Variants in CDH13 observed in about 807,000 individuals in gnomAD.
CDH13 encodes the protein cadherin 13, also known as cadherin-13.
In CDH13, 24 loss-of-function variants were observed where a neutral mutation model predicts 63.8. The observed-to-expected ratio is 0.38, with a 90% CI of 0.27 to 0.53. The LOEUF is 0.53. Ranked by LOEUF, CDH13 falls within the 20% of genes least tolerant of loss-of-function variation. The pLI, the probability that CDH13 is intolerant of heterozygous loss-of-function variation, is 0.85. For synonymous variants in CDH13, 503 were observed against 355.3 expected (o/e 1.42, Z -4.67); for missense variants, 1,049 against 903.1 (o/e 1.16, Z -2.07).
chr16:82,722,408 C>A (rs867010278), intron 1 of CDH13, among the ~76,000 whole-genome samples: 1 of 152,110 alleles, frequency 6.6e-6, no homozygotes, highest in Admixed American at 6.5e-5. Context: ...TTTCACAACC[C>A]CAGCAGAGAG....
chr16:82,968,373 C>T (rs777607782), intron 2 of CDH13, among the ~76,000 whole-genome samples: 19 of 152,148 alleles, frequency 1.2e-4, no homozygotes, highest in Admixed American at 1.2e-3. Context: ...CCTAGTGGTC[C>T]AGTTACTGTC....
intron 1 of CDH13, among the ~76,000 whole-genome samples, chr16:82,802,656 G>A (rs1331162741): frequency 6.6e-6 from 1 of 152,160 alleles, no homozygotes; most frequent in Non-Finnish European, 1.5e-5. Flanking sequence ...CTTATAAGAA[G>A]TGCATGTTAG....
In CDH13 at chr16:83,394,444, C is replaced by G. The variant is rs147246889; in HGVS notation, c.781+49438C>G. On this transcript the variant is annotated intron_variant, in intron 6 of 13. Transcript: ENST00000567109. ...ACAGAGGCAACAGCACATGCAAAGT[C>G]CCTGAGGCAGGCACACGTGTGGTGT... 8.1e-3 allele frequency among the ~76,000 whole-genome samples: 1,227 copies of G among 152,178 alleles called. 10 individuals are homozygous for G. Among genetic ancestry groups the G allele is most frequent in the Non-Finnish European group, 8.6e-3 (582 of 68,008 alleles).
In CDH13 at chr16:83,683,078, T is replaced by C. The variant is rs151232964; in HGVS notation, c.1538+4617T>C. ...GACACCCTTTCATCTCCCCAGGGAA[T>C]GCTCAAGTCAGCAAAGGGCGCCTTG... On this transcript the variant is annotated intron_variant, in intron 10 of 13. Transcript: ENST00000567109. Among the ~76,000 whole-genome samples, 494 of 152,330 alleles carry C rather than the reference T, an allele frequency of 3.2e-3. 3 individuals are homozygous for C. The highest frequency in any genetic ancestry group is 5.8e-3 in the Non-Finnish European group (393 of 68,030).
At chr16:83,471,333 G>A (rs1284186270) in intron 6 of CDH13, among the ~76,000 whole-genome samples, 1 of 145,594 alleles carries the variant, frequency 6.9e-6, no homozygotes, top group African/African-American at 2.6e-5. Context: ...GGAGTGCAGT[G>A]GTATGATCTC....
At chr16:82,975,194 C>T (rs1909327456) in intron 2 of CDH13, among the ~76,000 whole-genome samples, 1 of 152,214 alleles carries the variant, frequency 6.6e-6, no homozygotes, top group African/African-American at 2.4e-5. Context: ...GGGGCCCTGG[C>T]TGCTGTGGTT....
At chr16:82,816,718 A>G (rs1014188602) in intron 1 of CDH13, among the ~76,000 whole-genome samples, 1 of 148,182 alleles carries the variant, frequency 6.7e-6, no homozygotes, top group African/African-American at 2.5e-5. Flanking sequence ...GAAAAATTGC[A>G]TTGATCCTTG....
At chr16:83,044,774 C>A (rs1037869548) in intron 3 of CDH13, among the ~76,000 whole-genome samples, 29 of 152,148 alleles carry the variant, frequency 1.9e-4, no homozygotes, top group Admixed American at 1.9e-3. Flanking sequence ...TGAGTGGCAG[C>A]CAGTGCGGCC....
chr16:83,239,243 C>G (rs1268570580), intron 5 of CDH13, among the ~76,000 whole-genome samples: 1 of 152,134 alleles, frequency 6.6e-6, no homozygotes, highest in Non-Finnish European at 1.5e-5. Flanking sequence ...GGGAGAGCAG[C>G]AGGTTCAGCT....
At chr16:83,268,676 A>G (rs549787653) in intron 5 of CDH13, among the ~76,000 whole-genome samples, 42 of 152,344 alleles carry the variant, frequency 2.8e-4, no homozygotes, top group African/African-American at 9.9e-4. Context: ...TTTAGTGCAG[A>G]CATTCTTCCT....
chr16:83,484,108 C>A (rs1022791894), intron 6 of CDH13, among the ~76,000 whole-genome samples: 6 of 152,172 alleles, frequency 3.9e-5, no homozygotes, highest in Admixed American at 6.5e-5. Flanking sequence ...ATCAATCCAA[C>A]CTTGAGGGTG....
chr16:83,182,057 T>G (rs8058964), intron 4 of CDH13, among the ~76,000 whole-genome samples: 2 of 152,068 alleles, frequency 1.3e-5, no homozygotes, highest in African/African-American at 4.8e-5. Flanking sequence ...AGGAAAAGTG[T>G]GCATTGTCTG....
intron 6 of CDH13, among the ~76,000 whole-genome samples, chr16:83,460,067 CA>C (rs912805377): frequency 4.9e-4 from 74 of 151,118 alleles, no homozygotes; most frequent in African/African-American, 1.6e-3. Context: ...AATAAGATAG[CA>C]AAAAAAAGTA....
intron 4 of CDH13, among the ~76,000 whole-genome samples, chr16:83,136,504 A>G (rs952879314): frequency 4.1e-4 from 61 of 149,430 alleles, no homozygotes; most frequent in Middle Eastern, 6.8e-3. Flanking sequence ...AAAAAAAAAA[A>G]AAAGAAATAG....
At chr16:83,461,511 G>C (rs937004518) in intron 6 of CDH13, among the ~76,000 whole-genome samples, 1 of 152,092 alleles carries the variant, frequency 6.6e-6, no homozygotes, top group South Asian at 2.1e-4. Context: ...ACTAAATTGA[G>C]GTGAGACCCC....
intron 1 of CDH13, among the ~76,000 whole-genome samples, chr16:82,690,818 C>T (rs1462042): frequency 0.99 from 151,318 of 152,366 alleles, 75,146 homozygotes; most frequent in Middle Eastern, 1. Flanking sequence ...TGTTGGCTGA[C>T]GCAGCCTGGC....
At chr16:83,196,344 A>T (rs955157348) in intron 4 of CDH13, among the ~76,000 whole-genome samples, 4 of 152,208 alleles carry the variant, frequency 2.6e-5, no homozygotes, top group Non-Finnish European at 5.9e-5. Flanking sequence ...TTAAGAAAAA[A>T]GTAGGAAAAA....
intron 2 of CDH13, among the ~76,000 whole-genome samples, chr16:82,895,637 A>C (rs796255276): frequency 1.2e-4 from 18 of 151,956 alleles, no homozygotes; most frequent in African/African-American, 4.3e-4. Context: ...GAATTATGTG[A>C]GGTAGTAGAT....
intron 1 of CDH13, among the ~76,000 whole-genome samples, chr16:82,832,446 C>A (rs1597736665): frequency 6.6e-6 from 1 of 152,120 alleles, no homozygotes. Context: ...CTCCTTCTCT[C>A]CTTCCTCCTT....
Sources: allele counts gnomAD v4.1 joint callset (sites outside exome capture counted in the v4.1 genomes callset), GRCh38; gene constraint gnomAD v4.1.1; transcripts MANE v1.5; gene names NCBI Gene and HGNC (gene_info 2026-07-23, HGNC 2026-07-21).